The following VAV3 variants were observed in gnomAD, a reference collection of about 807,000 sequenced individuals.
VAV3 encodes vav guanine nucleotide exchange factor 3.
In VAV3, 94 loss-of-function variants were observed where a neutral mutation model predicts 131.2. The observed-to-expected ratio is 0.72, with a 90% confidence interval of 0.61 to 0.85. The LOEUF (loss-of-function observed/expected upper bound fraction) is 0.85, where lower values mean the gene tolerates loss of function less well. Ranked by LOEUF, VAV3 falls within the 40% of genes least tolerant of loss-of-function variation. The pLI, the probability that VAV3 is intolerant of heterozygous loss-of-function variation, is 0.00. For missense variants in VAV3, 939 were observed against 1,002.7 expected (o/e 0.94, Z 0.86); for synonymous variants, 349 against 342.0 (o/e 1.02, Z -0.22).
At chr1:107,880,897 T>C (rs369280617) in intron 1 of VAV3, among the ~76,000 whole-genome samples, 21 of 152,328 alleles carry the variant, frequency 1.4e-4, no homozygotes, top group African/African-American at 4.6e-4. Flanking sequence ...GTGCTTGCTA[T>C]GTGTCAAGCT....
At chr1:107,692,814 C>A (rs1411650725) in intron 17 of VAV3, among the ~76,000 whole-genome samples, 2 of 152,158 alleles carry the variant, frequency 1.3e-5, no homozygotes, top group Non-Finnish European at 2.9e-5. Context: ...AATATTAGGG[C>A]AGCTGAGGCT....
chr1:107,771,653 G>A (rs960672463), intron 5 of VAV3, among the ~76,000 whole-genome samples: 1 of 152,160 alleles, frequency 6.6e-6, no homozygotes, highest in African/African-American at 2.4e-5. Context: ...CCCAAGGAAT[G>A]GTAAATAAGA....
chr1:107,835,184 C>T (rs141444014), intron 2 of VAV3, among the ~76,000 whole-genome samples: 191 of 152,282 alleles, frequency 1.3e-3, no homozygotes, highest in African/African-American at 4.2e-3. Flanking sequence ...GCTATCAAGG[C>T]CCCTGCCTGG....
At chr1:107,621,845 G>A (rs1653632036) in intron 20 of VAV3, among the ~76,000 whole-genome samples, 1 of 151,904 alleles carries the variant, frequency 6.6e-6, no homozygotes, top group East Asian at 1.9e-4. Flanking sequence ...TATACCATAC[G>A]GTGCTATCTT....
intron 6 of VAV3, among the ~76,000 whole-genome samples, 193 bp from the exon 7 acceptor site, chr1:107,768,702 C>T (rs139525804): frequency 0.011 from 1,644 of 152,072 alleles, 11 homozygotes; most frequent in South Asian, 0.031. Context: ...AACATAAATA[C>T]GAGCTAATAT....
chr1:107,610,695 C>T (rs773504449), intron 21 of VAV3, among the ~76,000 whole-genome samples: 2 of 151,976 alleles, frequency 1.3e-5, no homozygotes, highest in Non-Finnish European at 1.5e-5. Flanking sequence ...AGAAAGAAAA[C>T]TTGTAGCTGC....
chr1:107,693,452 A>C lies in VAV3; in HGVS notation c.1706-5046T>G, dbSNP rs150881859. Among the ~76,000 whole-genome samples the C allele has an allele frequency of 7.2e-5, 11 of 152,302 alleles. No individual in the cohort carries two copies. In the East Asian group the frequency reaches 1.9e-3, roughly 27 times the overall value. On this transcript the variant is annotated intron_variant, in intron 17 of 26. Coordinates refer to ENST00000370056, the MANE Select transcript of VAV3 (RefSeq NM_006113.5). ...CATATTAATACAAATGAGGTGCTTCATTCAGAAATGCACTGCATTTTTGTC... is the reference window on the plus strand; with the variant it reads ...CATATTAATACAAATGAGGTGCTTCCTTCAGAAATGCACTGCATTTTTGTC...
At chr1:107,860,645 G>C (rs1050933052) in intron 2 of VAV3, among the ~76,000 whole-genome samples, 27 of 151,546 alleles carry the variant, frequency 1.8e-4, no homozygotes, top group African/African-American at 5.8e-4. Context: ...TGTTTCATAT[G>C]TGTTATCCTA....
intron 1 of VAV3, among the ~76,000 whole-genome samples, chr1:107,877,164 G>T (rs1031642542): frequency 6.6e-6 from 1 of 152,094 alleles, no homozygotes; most frequent in Non-Finnish European, 1.5e-5. Context: ...TGCAGTTACT[G>T]CTTTCACTTT....
chr1:107,734,172 TCAC>T (rs993898790), intron 15 of VAV3, among the ~76,000 whole-genome samples: 71 of 152,328 alleles, frequency 4.7e-4, no homozygotes, highest in African/African-American at 1.7e-3. Context: ...AGAGATTTTG[TCAC>T]CACCAGGCCT....
At chr1:107,622,041 G>T (rs2101270133) in intron 20 of VAV3, among the ~76,000 whole-genome samples, 1 of 152,230 alleles carries the variant, frequency 6.6e-6, no homozygotes, top group South Asian at 2.1e-4. Flanking sequence ...ATCTGGAGCA[G>T]ACATAAAGCA....
intron 19 of VAV3, among the ~76,000 whole-genome samples, chr1:107,648,909 C>T (rs1172914072): frequency 6.6e-6 from 1 of 151,972 alleles, no homozygotes; most frequent in Admixed American, 6.6e-5. Flanking sequence ...CGCCACATGT[C>T]TGGTGTTATC....
intron 21 of VAV3, among the ~76,000 whole-genome samples, chr1:107,611,145 A>C (rs1156371712): frequency 5.3e-5 from 8 of 152,216 alleles, no homozygotes; most frequent in Admixed American, 5.2e-4. Context: ...CAAAAATCTA[A>C]AATCGTATGT....
chr1:107,627,351 C>T (rs1255063047), intron 20 of VAV3, among the ~76,000 whole-genome samples: 2 of 152,120 alleles, frequency 1.3e-5, no homozygotes, highest in African/African-American at 2.4e-5. Flanking sequence ...CAGAATTGAT[C>T]ATTTGCATTT....
chr1:107,822,711 T>C (rs1051846674), intron 2 of VAV3, among the ~76,000 whole-genome samples: 20 of 151,658 alleles, frequency 1.3e-4, no homozygotes, highest in Admixed American at 5.9e-4. Flanking sequence ...AATTAAATGA[T>C]CTCTTCGAAA....
At chr1:107,946,082 T>C (rs1458591575) in intron 1 of VAV3, among the ~76,000 whole-genome samples, 1 of 152,034 alleles carries the variant, frequency 6.6e-6, no homozygotes. Context: ...ACAAAGGGGT[T>C]CACTCGATAA....
chr1:107,635,858 T>C lies in VAV3; in HGVS notation c.1914+6761A>G, dbSNP rs527560629. ...ATTGGACTCTTGGCCGGAATTCCTA[T>C]GTCCGAATAACAGCTCTGCTAAGTT... On this transcript the variant is annotated intron_variant, in intron 20 of 26. Transcript: ENST00000370056. 1.5e-3 allele frequency among the ~76,000 whole-genome samples: 225 copies of C among 152,340 alleles called. 1 individual carries two copies. Among genetic ancestry groups the C allele is most frequent in the Non-Finnish European group, 2.3e-3 (154 of 68,030 alleles).
intron 2 of VAV3, among the ~76,000 whole-genome samples, chr1:107,795,837 A>C (rs1262235408): frequency 6.6e-6 from 1 of 152,232 alleles, no homozygotes; most frequent in Non-Finnish European, 1.5e-5. Flanking sequence ...GTTTCAAAAC[A>C]ACCATTCTGA....
chr1:107,653,995 C>G (rs1436712859), intron 19 of VAV3, among the ~76,000 whole-genome samples: 1 of 152,068 alleles, frequency 6.6e-6, no homozygotes, highest in Non-Finnish European at 1.5e-5. Flanking sequence ...TACATGCTAG[C>G]ACAGTGCCTG....
Sources: allele counts gnomAD v4.1 joint callset (sites outside exome capture counted in the v4.1 genomes callset), GRCh38; gene constraint gnomAD v4.1.1; transcripts MANE v1.5; gene names NCBI Gene and HGNC (gene_info 2026-07-23, HGNC 2026-07-21).